The following CELF2 variants were observed in gnomAD, a reference collection of about 807,000 sequenced individuals.
The protein encoded by CELF2 is CUG triplet repeat RNA-binding protein 2.
CELF2 carries 8 observed loss-of-function variants against 62.6 expected under a neutral mutation model. That is an observed-to-expected ratio of 0.13 (90% CI 0.07 to 0.23). The LOEUF is 0.23. Among genes scored for constraint, CELF2 ranks in the 10% least tolerant of loss-of-function variants. The probability of loss-of-function intolerance (pLI) is 1.00; values close to 1 mark genes in which losing one functional copy is unlikely to be tolerated. For missense variants in CELF2, 333 were observed against 671.0 expected, an observed-to-expected ratio of 0.50 and a Z score of 5.56; for synonymous variants, 258 against 250.0, an observed-to-expected ratio of 1.03 and a Z score of -0.30.
At chr10:10,620,338 G>A in the CELF2 span, among the ~76,000 whole-genome samples, 1 of 151,546 alleles carries the variant, frequency 6.6e-6, no homozygotes, top group Non-Finnish European at 1.5e-5. Flanking sequence ...AAGAACACGT[G>A]AGGCTGAGGC....
chr10:10,541,759 T>C, the CELF2 span, among the ~76,000 whole-genome samples: 1 of 152,248 alleles, frequency 6.6e-6, no homozygotes, highest in Admixed American at 6.5e-5. Context: ...TTTTGACCGG[T>C]TTCTTTACTG....
the CELF2 span, among the ~76,000 whole-genome samples, chr10:10,726,283 TTG>T: frequency 5.9e-5 from 9 of 152,122 alleles, no homozygotes; most frequent in African/African-American, 2.2e-4. Context: ...GCTTTTTCCG[TTG>T]TGTTTGGCTG....
intron 1 of CELF2, among the ~76,000 whole-genome samples, chr10:11,040,512 T>A (rs1211932190): frequency 1.3e-5 from 2 of 152,194 alleles, no homozygotes; most frequent in Non-Finnish European, 2.9e-5. Context: ...TTAATGTATC[T>A]TCTATGTAGC....
the CELF2 span, among the ~76,000 whole-genome samples, chr10:10,508,708 ATTTT>A: frequency 5.9e-5 from 8 of 134,476 alleles, no homozygotes; most frequent in African/African-American, 1.9e-4. Flanking sequence ...GTGTGTGTAT[ATTTT>A]TTTTTTTGAG....
the CELF2 span, among the ~76,000 whole-genome samples, chr10:10,479,552 G>A: frequency 6.6e-6 from 1 of 152,140 alleles, no homozygotes; most frequent in Non-Finnish European, 1.5e-5. Flanking sequence ...TATCATGATG[G>A]TTTCATCACC....
intron 1 of CELF2, among the ~76,000 whole-genome samples, chr10:10,861,035 C>A (rs1157149988): frequency 1.3e-5 from 2 of 152,314 alleles, no homozygotes; most frequent in East Asian, 3.9e-4. Flanking sequence ...GTCTTCCTGC[C>A]TCAGCCCCCT....
intron 1 of CELF2, among the ~76,000 whole-genome samples, chr10:11,025,532 G>C (rs114334607): frequency 6.6e-6 from 1 of 151,998 alleles, no homozygotes. Flanking sequence ...CCTTTCTGCC[G>C]TGATTGTAAG....
chr10:10,682,567 G>A, the CELF2 span, among the ~76,000 whole-genome samples: 432 of 152,202 alleles, frequency 2.8e-3, no homozygotes, highest in Middle Eastern at 0.024. Flanking sequence ...TAGTGAGGGT[G>A]GTTTATTCCC....
At chr10:11,028,934 G>A (rs911781614) in intron 1 of CELF2, among the ~76,000 whole-genome samples, 1 of 151,952 alleles carries the variant, frequency 6.6e-6, no homozygotes. Flanking sequence ...GGCTAGTCTC[G>A]AACTCCTGAC....
the CELF2 span, among the ~76,000 whole-genome samples, chr10:10,483,688 C>T: frequency 1.3e-5 from 2 of 152,114 alleles, no homozygotes; most frequent in African/African-American, 4.8e-5. Context: ...ATTTTCTAAA[C>T]TTTCTGTCTA....
At chr10:11,163,175 G>C (rs2133245624) in intron 1 of CELF2, among the ~76,000 whole-genome samples, 1 of 152,332 alleles carries the variant, frequency 6.6e-6, no homozygotes, top group Admixed American at 6.5e-5. Context: ...GCTTGCTCTA[G>C]AATTCTGACA....
In CELF2 at chr10:11,159,122, T is replaced by C. The variant is rs1332038431; in HGVS notation, c.75-6364T>C. On this transcript the variant is annotated intron_variant, in intron 1 of 12. Transcript: ENST00000633077. The surrounding 1 kb of genome is among the most constrained non-coding windows in gnomAD (Gnocchi z 5.0). ...AGCTGATGTGTGGCCATCTCAGAGATGGTTTGGGGCCTCATTCCATAATTT... is the reference window on the plus strand; with the variant it reads ...AGCTGATGTGTGGCCATCTCAGAGACGGTTTGGGGCCTCATTCCATAATTT... Among the ~76,000 whole-genome samples, 2 of 152,214 alleles carry C rather than the reference T, an allele frequency of 1.3e-5. No homozygotes were observed. The highest frequency in any genetic ancestry group is 4.8e-5 in the African/African-American group (2 of 41,458).
the CELF2 span, among the ~76,000 whole-genome samples, chr10:10,667,988 C>T: frequency 1.3e-5 from 2 of 152,136 alleles, no homozygotes; most frequent in African/African-American, 4.8e-5. Flanking sequence ...AACAAGCACC[C>T]GTGCCAGCCC....
At chr10:11,057,716 T>C (rs1285966592) in intron 1 of CELF2, among the ~76,000 whole-genome samples, 1 of 152,228 alleles carries the variant, frequency 6.6e-6, no homozygotes, top group East Asian at 1.9e-4. Context: ...GGATGGTGAT[T>C]GTCAGATTAT....
intron 1 of CELF2, among the ~76,000 whole-genome samples, chr10:10,900,222 C>G (rs990308473): frequency 6.6e-6 from 1 of 152,180 alleles, no homozygotes; most frequent in Non-Finnish European, 1.5e-5. Flanking sequence ...CTTTCCAATT[C>G]ATTCTATGAG....
intron 2 of CELF2, among the ~76,000 whole-genome samples, chr10:11,197,042 A>AAAGAAAGAAAGAAAGAAAGAAAGAAAGG (rs2057975008): frequency 5.4e-5 from 1 of 18,600 alleles, no homozygotes; most frequent in Non-Finnish European, 1.6e-4. Context: ...AGAAAGAAAG[A>AAAGAAAGAAAGAAAGAAAGAAAGAAAGG]AAGAAAGAAA....
intron 1 of CELF2, among the ~76,000 whole-genome samples, chr10:11,074,447 A>G (rs2071222096): frequency 6.6e-6 from 1 of 152,208 alleles, no homozygotes; most frequent in Admixed American, 6.5e-5. Context: ...CACTGAATTG[A>G]ACCCTTCCGT....
chr10:11,093,805 A>G (rs970846609), intron 1 of CELF2, among the ~76,000 whole-genome samples: 4 of 152,180 alleles, frequency 2.6e-5, no homozygotes, highest in African/African-American at 7.2e-5. Context: ...TCTCTGTTTT[A>G]CAGTTAGAAC....
At chr10:10,567,779 C>T in the CELF2 span, among the ~76,000 whole-genome samples, 18 of 152,138 alleles carry the variant, frequency 1.2e-4, no homozygotes, top group Non-Finnish European at 2.2e-4. Flanking sequence ...AGCGGAGATA[C>T]TTCCAAAAAA....
Sources: allele counts gnomAD v4.1 joint callset (sites outside exome capture counted in the v4.1 genomes callset), GRCh38; gene constraint gnomAD v4.1.1; non-coding constraint Gnocchi (gnomAD v3.1); transcripts MANE v1.5; gene names NCBI Gene and HGNC (gene_info 2026-07-23, HGNC 2026-07-21).